UGT1A9: variants seen among roughly 807,000 people sequenced by gnomAD.
The protein encoded by UGT1A9 is UDP glucuronosyltransferase family 1 member A9.
A neutral mutation model predicts 45.0 loss-of-function variants in UGT1A9; 35 were observed. That is an observed-to-expected ratio of 0.78 (90% CI 0.59 to 1.03). UGT1A9 has a LOEUF of 1.03. Ranked by LOEUF, UGT1A9 falls within the 50% of genes least tolerant of loss-of-function variation. The probability of loss-of-function intolerance (pLI) is 0.00; values close to 1 mark genes in which losing one functional copy is unlikely to be tolerated. For missense variants in UGT1A9, 687 were observed against 666.6 expected, an observed-to-expected ratio of 1.03 and a Z score of -0.34; for synonymous variants, 278 against 250.6, an observed-to-expected ratio of 1.11 and a Z score of -1.03.
At chr2:233,732,000 CATT>C (rs1375230959) in intron 1 of UGT1A9, among the ~76,000 whole-genome samples, 1 of 152,212 alleles carries the variant, frequency 6.6e-6, no homozygotes, top group Non-Finnish European at 1.5e-5. Flanking sequence ...GATGGTATCT[CATT>C]GTGGTTTTGA....
chr2:233,762,113 A>C (rs1697972454), intron 1 of UGT1A9, among the ~76,000 whole-genome samples: 1 of 152,166 alleles, frequency 6.6e-6, no homozygotes, highest in Non-Finnish European at 1.5e-5. Flanking sequence ...TCCGCTTCAC[A>C]TCATGAGCCA....
chr2:233,731,267 C>G (rs969941483), intron 1 of UGT1A9, among the ~76,000 whole-genome samples: 13 of 149,924 alleles, frequency 8.7e-5, no homozygotes, highest in Admixed American at 3.3e-4. Context: ...TGACTGTTGC[C>G]CTTCCAGTTT....
chr2:233,755,424 C>T (rs976220166), intron 1 of UGT1A9: 1 of 319,328 alleles, frequency 3.1e-6, no homozygotes, highest in East Asian at 8.3e-5. Flanking sequence ...GTGAGCGCCT[C>T]GCATCCCAAG....
In UGT1A9 at chr2:233,672,257, T is replaced by A. The variant is rs1309942480; in HGVS notation, c.323T>A (p.Leu108Gln). ...GCACAAGTACGAAGTATATATTCTC[T>A]ATTAATGGGTTCATACAATGACATT... ...WKAQVRSIYSLLMGSYNDIFD... is the reference protein window; with the variant it reads ...WKAQVRSIYSQLMGSYNDIFD... The change falls in exon 1 of 5, where the codon CTA becomes CAA. Residue 108 changes from leucine to glutamine, a missense_variant. Coordinates refer to ENST00000354728, the MANE Select transcript of UGT1A9 (RefSeq NM_021027.3). 7 of 1,614,062 alleles carry A rather than the reference T, an allele frequency of 4.3e-6. No homozygotes were observed. The highest frequency in any genetic ancestry group is 4.5e-5 in the East Asian group (2 of 44,900).
chr2:233,713,814 T>C (rs1262526604), intron 1 of UGT1A9: 1 of 1,614,102 alleles, frequency 6.2e-7, no homozygotes, highest in South Asian at 1.1e-5. Flanking sequence ...CAACATGGTC[T>C]TCATTGGGGG....
intron 1 of UGT1A9, among the ~76,000 whole-genome samples, chr2:233,711,091 T>G (rs938656759): frequency 1.3e-5 from 2 of 152,216 alleles, no homozygotes; most frequent in East Asian, 3.8e-4. Flanking sequence ...CAAGTCTATC[T>G]GTGCAGCCCA....
rs1298347226 is a variant in UGT1A9, at chr2:233,768,214, T to C, written c.1076-6T>C. ...CTGCTGACATCCTCCCTATTTTGCA[T>C]CTCAGGTCACCCGATGACCCGTGCC... On this transcript the variant is annotated splice_polypyrimidine_tract_variant and splice_region_variant and intron_variant, in intron 3 of 4. Coordinates refer to ENST00000354728, the MANE Select transcript of UGT1A9 (RefSeq NM_021027.3). The C allele has an allele frequency of 3.7e-6, 6 of 1,614,204 alleles. No homozygotes were observed. The highest frequency in any genetic ancestry group is 5.1e-6 in the Non-Finnish European group (6 of 1,180,044).
In UGT1A9 at chr2:233,672,738, C is replaced by T. The variant is rs778259592; in HGVS notation, c.804C>T (p.Asn268=). The T allele has an allele frequency of 5.6e-6, 9 of 1,613,896 alleles. No individual in the cohort carries two copies. The highest frequency in any genetic ancestry group is 5.0e-5 in the Admixed American group (3 of 60,010). ...VLDYPKPVMP[N]MIFIGGINCH... is the part of the protein sequence containing the mutation. Reference sequence around the variant, plus strand: ...ACTATCCCAAACCCGTGATGCCCAACATGATCTTCATTGGTGGTATCAACT... The same window carrying T: ...ACTATCCCAAACCCGTGATGCCCAATATGATCTTCATTGGTGGTATCAACT... Residue 268 remains asparagine (N), a synonymous_variant, in exon 1 of 5, where the codon AAC becomes AAT. Coordinates refer to ENST00000354728, the MANE Select transcript of UGT1A9 (RefSeq NM_021027.3).
chr2:233,757,137 G>T (rs1343266624), intron 1 of UGT1A9, among the ~76,000 whole-genome samples: 1 of 151,428 alleles, frequency 6.6e-6, no homozygotes, highest in Non-Finnish European at 1.5e-5. Flanking sequence ...AATGAGCTTG[G>T]ACAGGTGGGC....
intron 1 of UGT1A9, among the ~76,000 whole-genome samples, chr2:233,689,467 GA>G (rs1414189798): frequency 6.6e-6 from 1 of 152,202 alleles, no homozygotes. Context: ...TAGGAAAACA[GA>G]AGTTACAAGA....
chr2:233,672,291 AT>A lies in UGT1A9; in HGVS notation c.364del (p.Ser122GlnfsTer12), dbSNP rs773627969. The A allele has an allele frequency of 1.9e-6, 3 of 1,613,624 alleles. No homozygotes were observed. The highest frequency in any genetic ancestry group is 2.5e-6 in the Non-Finnish European group (3 of 1,179,804). On this transcript the variant is annotated frameshift_variant, in exon 1 of 5. Coordinates refer to ENST00000354728, the MANE Select transcript of UGT1A9 (RefSeq NM_021027.3). LOFTEE classifies it high-confidence loss of function. Reference protein sequence around the residue: ...MGSYNDIFDLFFSNCRSLFKD... With the variant: ...MGSYNDIFDLXFSNCRSLFKD... ...GTTCATACAATGACATTTTTGACTTATTTTTTTCAAATTGCAGGAGTTTGTT... is the reference window on the plus strand; with the variant it reads ...GTTCATACAATGACATTTTTGACTTATTTTTTCAAATTGCAGGAGTTTGTT...
chr2:233,729,309 C>T, intron 1 of UGT1A9: 3 of 1,614,256 alleles, frequency 1.9e-6, no homozygotes, highest in Non-Finnish European at 2.5e-6. Context: ...CAGTGGTCCT[C>T]ACCCCAGAGG....
At chr2:233,748,029 A>G in intron 1 of UGT1A9, 5 of 1,613,446 alleles carry the variant, frequency 3.1e-6, no homozygotes, top group East Asian at 2.2e-5. Context: ...CATGCCCAAC[A>G]TGGTCTTCAT....
At chr2:233,714,493 C>T (rs566315166) in intron 1 of UGT1A9, among the ~76,000 whole-genome samples, 3 of 152,194 alleles carry the variant, frequency 2.0e-5, no homozygotes, top group South Asian at 2.1e-4. Flanking sequence ...TGTGAAGACA[C>T]TACTTAAAAA....
At chr2:233,697,074 A>G (rs568484645) in intron 1 of UGT1A9, among the ~76,000 whole-genome samples, 24 of 152,104 alleles carry the variant, frequency 1.6e-4, no homozygotes, top group African/African-American at 5.8e-4. Flanking sequence ...TTTTGGTATC[A>G]GGGTAACACT....
In UGT1A9 at chr2:233,769,262, G is replaced by C. The variant is rs1197405588; in HGVS notation, c.1295+823G>C. On this transcript the variant is annotated intron_variant, in intron 4 of 4. Transcript: ENST00000354728. This position sits in a 1 kb window ranked among gnomAD's most constrained non-coding sequence, Gnocchi z 4.4. The stretch of plus-strand genomic sequence containing the variant: ...TTTGCTCAAATGTGGCCCTGAAAAC[G>C]ATTCAAAGGGCAAATGATTTCTGGA... Among the ~76,000 whole-genome samples the C allele has an allele frequency of 6.6e-6, 1 of 152,184 alleles. No homozygotes were observed. Among genetic ancestry groups the C allele is most frequent in the Non-Finnish European group, 1.5e-5 (1 of 68,036 alleles).
intron 1 of UGT1A9, chr2:233,755,041 A>T (rs1695713138): frequency 2.3e-6 from 3 of 1,323,402 alleles, no homozygotes; most frequent in African/African-American, 1.5e-5. Flanking sequence ...CCGCCTGCGC[A>T]GCCGCCCTCC....
At position 233,760,448 on chromosome 2, in the gene UGT1A9, G is replaced by T. The variant is rs770426284; in HGVS notation, c.856-6586G>T. On this transcript the variant is annotated intron_variant, in intron 1 of 4. Coordinates refer to ENST00000354728, the MANE Select transcript of UGT1A9 (RefSeq NM_021027.3). ...GCCATCCAGCAGCTGCAGCAGAGGGGACATGAAATAGTTGTCCTAGCACCT... is the reference window on the plus strand; with the variant it reads ...GCCATCCAGCAGCTGCAGCAGAGGGTACATGAAATAGTTGTCCTAGCACCT... The T allele has an allele frequency of 1.2e-5, 19 of 1,614,238 alleles. No individual in the cohort carries two copies. In the Middle Eastern group the frequency reaches 1.3e-3, roughly 112 times the overall value.
At chr2:233,760,058 T>C (rs749323547) in intron 1 of UGT1A9, among the ~76,000 whole-genome samples, 16 of 152,188 alleles carry the variant, frequency 1.1e-4, no homozygotes, top group Non-Finnish European at 2.1e-4. Context: ...CTCAAGAATG[T>C]GATTTGAGTA....
Sources: allele counts gnomAD v4.1 joint callset (sites outside exome capture counted in the v4.1 genomes callset), GRCh38; gene constraint gnomAD v4.1.1; non-coding constraint Gnocchi (gnomAD v3.1); transcripts MANE v1.5; gene names NCBI Gene and HGNC (gene_info 2026-07-23, HGNC 2026-07-21).